Variants in SERGEF observed in about 807,000 individuals in gnomAD.
SERGEF encodes the protein secretion-regulating guanine nucleotide exchange factor.
Under a neutral mutation model 50.0 loss-of-function variants are expected in SERGEF, and 51 were observed. That is an observed-to-expected ratio of 1.02 (90% CI 0.81 to 1.29). The LOEUF (loss-of-function observed/expected upper bound fraction) is 1.29. Among genes scored for constraint, SERGEF ranks in the 50% most tolerant of loss-of-function variants. SERGEF has a pLI of 0.00. For missense variants in SERGEF, 521 were observed against 557.0 expected, an observed-to-expected ratio of 0.94 and a Z score of 0.65; for synonymous variants, 205 against 212.4, an observed-to-expected ratio of 0.97 and a Z score of 0.30.
At chr11:17,951,033 G>A (rs1316422059) in intron 9 of SERGEF, among the ~76,000 whole-genome samples, 1 of 152,144 alleles carries the variant, frequency 6.6e-6, no homozygotes, top group African/African-American at 2.4e-5. Context: ...CTCTGATGCT[G>A]CAGGGAGATT....
At chr11:17,805,332 T>C (rs900144969) in intron 10 of SERGEF, among the ~76,000 whole-genome samples, 2 of 152,216 alleles carry the variant, frequency 1.3e-5, no homozygotes, top group African/African-American at 4.8e-5. Context: ...CCGGATCTGA[T>C]GGTTGATGTT....
intron 9 of SERGEF, among the ~76,000 whole-genome samples, chr11:17,913,017 G>A (rs1851982905): frequency 6.6e-6 from 1 of 152,168 alleles, no homozygotes; most frequent in African/African-American, 2.4e-5. Flanking sequence ...CCCATCTCAG[G>A]GACTGACATT....
At chr11:17,997,071 G>T (rs1368995181) in intron 5 of SERGEF, among the ~76,000 whole-genome samples, 2 of 152,144 alleles carry the variant, frequency 1.3e-5, no homozygotes, top group East Asian at 3.9e-4. Flanking sequence ...CAAGCATGGT[G>T]GTGTACACCT....
At chr11:17,924,219 A>T (rs1174018229) in intron 9 of SERGEF, among the ~76,000 whole-genome samples, 2 of 152,254 alleles carry the variant, frequency 1.3e-5, no homozygotes, top group Non-Finnish European at 2.9e-5. Context: ...GTAATAAATA[A>T]TATAGTAGGA....
At chr11:17,879,642 T>C (rs1357167091) in intron 9 of SERGEF, among the ~76,000 whole-genome samples, 1 of 152,216 alleles carries the variant, frequency 6.6e-6, no homozygotes, top group Admixed American at 6.5e-5. Flanking sequence ...TTACTTAAAA[T>C]AATGTCTTCC....
chr11:17,789,531 A>T (rs1849444672), intron 10 of SERGEF, among the ~76,000 whole-genome samples: 1 of 152,224 alleles, frequency 6.6e-6, no homozygotes, highest in Non-Finnish European at 1.5e-5. Flanking sequence ...GGTTTTAGAC[A>T]CTGTCCTAGG....
chr11:17,945,429 A>G (rs1852639026), intron 9 of SERGEF, among the ~76,000 whole-genome samples: 1 of 152,254 alleles, frequency 6.6e-6, no homozygotes, highest in African/African-American at 2.4e-5. Context: ...GTGGCTACTG[A>G]AATCTGAATT....
At chr11:17,846,495 G>A in intron 10 of SERGEF, 1 of 359,054 alleles carries the variant, frequency 2.8e-6, no homozygotes, top group Non-Finnish European at 5.5e-6. Context: ...ATTCAGATAA[G>A]TTCAGATGGA....
intron 1 of SERGEF, 157 bp downstream of exon 1, chr11:18,012,794 C>CA: frequency 1.4e-6 from 2 of 1,479,614 alleles, no homozygotes; most frequent in Non-Finnish European, 1.8e-6. Flanking sequence ...CCCGCTCCTC[C>CA]TCCGCTCCCC....
chr11:17,833,032 G>C (rs188527996), intron 10 of SERGEF, among the ~76,000 whole-genome samples: 14 of 152,354 alleles, frequency 9.2e-5, no homozygotes, highest in Admixed American at 9.1e-4. Flanking sequence ...GCCAGCTGCA[G>C]AAATTTGCAT....
chr11:17,886,029 T>G (rs1851422465), intron 9 of SERGEF, among the ~76,000 whole-genome samples: 1 of 152,134 alleles, frequency 6.6e-6, no homozygotes, highest in Admixed American at 6.5e-5. Flanking sequence ...GTTCTGGATA[T>G]GGAACCAGAA....
intron 9 of SERGEF, among the ~76,000 whole-genome samples, chr11:17,919,010 T>C (rs1852105189): frequency 2.0e-5 from 3 of 152,202 alleles, no homozygotes; most frequent in Non-Finnish European, 2.9e-5. Flanking sequence ...CAGAACTTTG[T>C]ACATATATAG....
At chr11:17,870,030 C>T (rs1851108343) in intron 10 of SERGEF, among the ~76,000 whole-genome samples, 1 of 152,168 alleles carries the variant, frequency 6.6e-6, no homozygotes, top group Admixed American at 6.5e-5. Flanking sequence ...CAGTTTCCCC[C>T]ATGCTGTTCT....
intron 9 of SERGEF, among the ~76,000 whole-genome samples, chr11:17,928,257 C>A (rs1317689024): frequency 2.6e-5 from 4 of 152,164 alleles, no homozygotes; most frequent in Non-Finnish European, 2.9e-5. Context: ...ACCTACAGAA[C>A]TTCAGTCTCA....
chr11:17,993,447 T>A (rs1436255729), intron 6 of SERGEF, among the ~76,000 whole-genome samples: 2 of 152,160 alleles, frequency 1.3e-5, no homozygotes, highest in East Asian at 3.8e-4. Context: ...AGCAATGACA[T>A]CTCATACACT....
In SERGEF at chr11:17,988,064, G is replaced by T. The variant is rs527515643; in HGVS notation, c.844+533C>A. 2.4e-4 allele frequency among the ~76,000 whole-genome samples: 37 copies of T among 152,270 alleles called. No individual in the cohort carries two copies. In the South Asian group the frequency reaches 7.3e-3, roughly 30 times the overall value. Reference sequence around the variant, plus strand: ...CGAAGATTCAAGAAAAGATGAAGATGCCAAAAGCTGTATGGCATGATGTGG... The same window carrying T: ...CGAAGATTCAAGAAAAGATGAAGATTCCAAAAGCTGTATGGCATGATGTGG... On this transcript the variant is annotated intron_variant, in intron 8 of 10. Transcript: ENST00000265965.
At chr11:17,817,086 C>A (rs1193007560) in intron 10 of SERGEF, among the ~76,000 whole-genome samples, 1 of 152,142 alleles carries the variant, frequency 6.6e-6, no homozygotes, top group East Asian at 1.9e-4. Context: ...GAGTTGCCTG[C>A]ATGTTTACAC....
At chr11:17,945,652 T>C (rs1307655654) in intron 9 of SERGEF, among the ~76,000 whole-genome samples, 1 of 152,146 alleles carries the variant, frequency 6.6e-6, no homozygotes, top group Non-Finnish European at 1.5e-5. Flanking sequence ...GTGGAACTAA[T>C]ACACAGCAGC....
intron 9 of SERGEF, among the ~76,000 whole-genome samples, chr11:17,878,837 T>G (rs914365875): frequency 6.6e-6 from 1 of 152,202 alleles, no homozygotes; most frequent in Non-Finnish European, 1.5e-5. Flanking sequence ...TGTCCTCTCC[T>G]CTACTGCATA....
Sources: allele counts gnomAD v4.1 joint callset (sites outside exome capture counted in the v4.1 genomes callset), GRCh38; gene constraint gnomAD v4.1.1; transcripts MANE v1.5; gene names NCBI Gene and HGNC (gene_info 2026-07-23, HGNC 2026-07-21).